Variants in CHN2 observed in about 807,000 individuals in gnomAD.
CHN2 encodes the protein beta-chimaerin.
Under a neutral mutation model 56.3 loss-of-function variants are expected in CHN2, and 35 were observed. That is an observed-to-expected ratio of 0.62 (90% confidence interval 0.47 to 0.82). The LOEUF is 0.82. Among genes scored for constraint, CHN2 ranks in the 40% least tolerant of loss-of-function variants. CHN2 has a pLI of 0.00. For missense variants in CHN2, 491 were observed against 580.5 expected, an observed-to-expected ratio of 0.85 and a Z score of 1.58; for synonymous variants, 210 against 212.8, an observed-to-expected ratio of 0.99 and a Z score of 0.12.
At chr7:29,239,237 G>A (rs1264892963) in intron 1 of CHN2, among the ~76,000 whole-genome samples, 1 of 152,116 alleles carries the variant, frequency 6.6e-6, no homozygotes, top group Non-Finnish European at 1.5e-5. Flanking sequence ...GCTAGAACAG[G>A]ATTTGCTGAC....
intron 6 of CHN2, among the ~76,000 whole-genome samples, chr7:29,432,904 C>G (rs1160685894): frequency 6.6e-6 from 1 of 152,180 alleles, no homozygotes; most frequent in Non-Finnish European, 1.5e-5. Context: ...TGTGTGGAAC[C>G]AGAGCTGACA....
At chr7:29,351,127 A>AT (rs1797850607) in intron 1 of CHN2, among the ~76,000 whole-genome samples, 1 of 151,618 alleles carries the variant, frequency 6.6e-6, no homozygotes, top group African/African-American at 2.4e-5. Context: ...AAAAAAAAAA[A>AT]AAATTCCCAC....
At chr7:29,233,946 G>A (rs2065444232) in intron 1 of CHN2, among the ~76,000 whole-genome samples, 2 of 142,694 alleles carry the variant, frequency 1.4e-5, no homozygotes, top group African/African-American at 5.2e-5. Context: ...CCATTCTCCT[G>A]CCTCAGCCTC....
chr7:29,444,022 T>TGCTTATAGA (rs1226465452), intron 6 of CHN2, among the ~76,000 whole-genome samples: 3 of 152,240 alleles, frequency 2.0e-5, no homozygotes, highest in African/African-American at 7.2e-5. Context: ...CCCATGGTTT[T>TGCTTATAGA]GCTTATAGAG....
intron 5 of CHN2, 62 bp downstream of exon 5, chr7:29,398,548 A>C (rs1200117302): frequency 9.9e-7 from 1 of 1,011,540 alleles, no homozygotes; most frequent in African/African-American, 1.6e-5. Flanking sequence ...ATGTTTGCCC[A>C]TTTTTAAGAA....
intron 1 of CHN2, among the ~76,000 whole-genome samples, chr7:29,242,266 A>T (rs959447647): frequency 2.8e-4 from 43 of 152,352 alleles, no homozygotes; most frequent in Middle Eastern, 6.8e-3. Context: ...TGGAAGGCAG[A>T]TAGCAAACCT....
chr7:29,288,353 C>G (rs1229287954), intron 1 of CHN2, among the ~76,000 whole-genome samples: 1 of 152,128 alleles, frequency 6.6e-6, no homozygotes, highest in Non-Finnish European at 1.5e-5. Flanking sequence ...TCTTAAATAA[C>G]ATGTTTAATT....
chr7:29,238,731 C>G (rs1193974603), intron 1 of CHN2, among the ~76,000 whole-genome samples: 2 of 152,116 alleles, frequency 1.3e-5, no homozygotes, highest in African/African-American at 4.8e-5. Flanking sequence ...AAGGTGGGGA[C>G]TTTTAGCAAA....
intron 2 of CHN2, among the ~76,000 whole-genome samples, chr7:29,354,880 A>G (rs970629894): frequency 1.3e-5 from 2 of 151,932 alleles, no homozygotes; most frequent in African/African-American, 4.8e-5. Flanking sequence ...CCCATTTCAA[A>G]AATGCTTAGA....
At chr7:29,211,139 C>T (rs1406134949) in intron 1 of CHN2, among the ~76,000 whole-genome samples, 4 of 151,804 alleles carry the variant, frequency 2.6e-5, no homozygotes, top group South Asian at 4.2e-4. Flanking sequence ...GGCGCGATCT[C>T]GGCTCACTGC....
chr7:29,394,100 G>A (rs1199834576), intron 4 of CHN2, among the ~76,000 whole-genome samples: 3 of 152,084 alleles, frequency 2.0e-5, no homozygotes, highest in African/African-American at 7.2e-5. Flanking sequence ...CCTGACTTTC[G>A]TGTACCTCGG....
chr7:29,272,819 G>A (rs956336321), intron 1 of CHN2, among the ~76,000 whole-genome samples: 2 of 152,110 alleles, frequency 1.3e-5, no homozygotes, highest in African/African-American at 4.8e-5. Flanking sequence ...GTGTATATTT[G>A]AGGTTTACAA....
chr7:29,241,184 C>A (rs1170589004), intron 1 of CHN2, among the ~76,000 whole-genome samples: 1 of 152,132 alleles, frequency 6.6e-6, no homozygotes, highest in Non-Finnish European at 1.5e-5. Flanking sequence ...CAGTGCCTGG[C>A]CTAGACTTTT....
intron 1 of CHN2, among the ~76,000 whole-genome samples, chr7:29,207,720 A>C (rs919057837): frequency 6.6e-6 from 1 of 152,206 alleles, no homozygotes; most frequent in Non-Finnish European, 1.5e-5. Flanking sequence ...GCCCCCACTT[A>C]GATGGATGCT....
chr7:29,337,854 G>C (rs1796744032), intron 1 of CHN2, among the ~76,000 whole-genome samples: 1 of 152,162 alleles, frequency 6.6e-6, no homozygotes, highest in East Asian at 1.9e-4. Context: ...CTGAAGTGTT[G>C]CTAATGCAGT....
At chr7:29,433,934 G>C (rs1424297606) in intron 6 of CHN2, among the ~76,000 whole-genome samples, 1 of 151,828 alleles carries the variant, frequency 6.6e-6, no homozygotes, top group Non-Finnish European at 1.5e-5. Flanking sequence ...AGAGAGGCAG[G>C]AAGGAAGGAA....
chr7:29,373,969 TTA>T lies in CHN2; in HGVS notation c.144+5983_144+5984del, dbSNP rs1401993967. Among the ~76,000 whole-genome samples, 37 of 152,228 alleles carry T rather than the reference TTA, an allele frequency of 2.4e-4. 1 individual carries two copies. Among genetic ancestry groups the T allele is most frequent in the Admixed American group, 2.4e-3 (37 of 15,286 alleles). On this transcript the variant is annotated intron_variant, in intron 3 of 12. Coordinates refer to ENST00000222792, the MANE Select transcript of CHN2 (RefSeq NM_004067.4). ...GGGGGAACGTGAAAACTCTACTGAT[TTA>T]AGACATCTCGACAAGGTATGTCTTA...
chr7:29,471,102 C>G (rs1483442296), intron 6 of CHN2, among the ~76,000 whole-genome samples: 1 of 152,166 alleles, frequency 6.6e-6, no homozygotes, highest in African/African-American at 2.4e-5. Context: ...TCCATTCTCT[C>G]AAGAATAACC....
chr7:29,263,084 G>A lies in CHN2; in HGVS notation c.49+68094G>A, dbSNP rs992290844. On this transcript the variant is annotated intron_variant, in intron 1 of 12. Transcript: ENST00000222792. ...TGGTCTCCCTCTGATGCCGAGCCGA[G>A]GCTGGACTGTACTGCCGCCATCTCG... Among the ~76,000 whole-genome samples the A allele has an allele frequency of 1.7e-3, 254 of 152,274 alleles. 2 individuals carry two copies. The highest frequency in any genetic ancestry group is 5.8e-3 in the African/African-American group (239 of 41,554).
Sources: allele counts gnomAD v4.1 joint callset (sites outside exome capture counted in the v4.1 genomes callset), GRCh38; gene constraint gnomAD v4.1.1; transcripts MANE v1.5; gene names NCBI Gene and HGNC (gene_info 2026-07-23, HGNC 2026-07-21).